Variants in NRAP observed in about 807,000 individuals in gnomAD.
NRAP encodes the protein nebulin-related-anchoring protein.
Under a neutral mutation model 225.9 loss-of-function variants are expected in NRAP, and 189 were observed. The observed-to-expected ratio is 0.84, with a 90% confidence interval of 0.74 to 0.94. NRAP has a LOEUF of 0.94. NRAP is among the 40% of genes least tolerant of loss of function. The probability of loss-of-function intolerance (pLI) is 0.00; values close to 1 mark genes in which losing one functional copy is unlikely to be tolerated. For missense variants in NRAP, 2,176 were observed against 2,168.7 expected (o/e 1.00, Z -0.07); for synonymous variants, 769 against 790.7 (o/e 0.97, Z 0.46).
chr10:113,618,720 C>T (rs1010565055), intron 25 of NRAP, among the ~76,000 whole-genome samples: 5 of 152,218 alleles, frequency 3.3e-5, no homozygotes, highest in East Asian at 1.9e-4. Flanking sequence ...CTGAGGAGGG[C>T]GAATCACCTG....
chr10:113,663,816 C>G lies in NRAP; in HGVS notation c.67G>C (p.Asp23His). 1 of 1,612,130 alleles carries G rather than the reference C, an allele frequency of 6.2e-7. No homozygotes were observed. Among genetic ancestry groups the G allele is most frequent in the Non-Finnish European group, 8.5e-7 (1 of 1,178,236 alleles). Residue 23 changes from aspartate (D) to histidine (H), a missense_variant, in exon 1 of 42, where the codon GAT becomes CAT. By Grantham distance (81) the Asp-to-His change is moderately conservative. Transcript: ENST00000359988. ...VYPAEKISCIDQIWHKACFHC... is the reference protein window; with the variant it reads ...VYPAEKISCIHQIWHKACFHC... ...GCCAAGAAATGTCTACTGACCTGAT[C>G]TATACAGCTGATCTTCTCGGCAGGA... is the stretch of plus-strand genomic sequence containing the variant.
At chr10:113,596,998 T>C (rs1261794264) in intron 37 of NRAP, 88 bp downstream of exon 37, 1 of 844,948 alleles carries the variant, frequency 1.2e-6, no homozygotes, top group Non-Finnish European at 2.0e-6. Context: ...TGCACCCCCA[T>C]CTGTCCAGAG....
chr10:113,630,031 C>T lies in NRAP; in HGVS notation c.1843-246G>A, dbSNP rs540478369. Among the ~76,000 whole-genome samples the T allele has an allele frequency of 2.4e-4, 36 of 152,210 alleles. No individual in the cohort carries two copies. The South Asian group carries it at 3.7e-3, about 16-fold the overall frequency. The stretch of plus-strand genomic sequence containing the variant: ...CTTGCCAATGCTAAACCTTTTCACC[C>T]GGCTGCTCCAGGAGAAAACTCTATT... On this transcript the variant is annotated intron_variant, in intron 18 of 41. Transcript: ENST00000359988.
chr10:113,637,498 A>G (rs1350653476), intron 14 of NRAP, among the ~76,000 whole-genome samples: 1 of 152,264 alleles, frequency 6.6e-6, no homozygotes, highest in Non-Finnish European at 1.5e-5. Flanking sequence ...CAGAGTTAGC[A>G]TTGTTTAGAC....
intron 25 of NRAP, among the ~76,000 whole-genome samples, chr10:113,619,213 T>C (rs779596424): frequency 2.0e-5 from 3 of 152,134 alleles, no homozygotes; most frequent in Non-Finnish European, 4.4e-5. Flanking sequence ...ACGAAGGAAA[T>C]CACCCTGAAG....
In NRAP at chr10:113,650,141, C is replaced by T. The variant is rs1193186935; in HGVS notation, c.784G>A (p.Val262Met). The change falls in exon 9 of 42, where the codon GTG becomes ATG. Residue 262 changes from valine to methionine, a missense_variant and splice_region_variant. Transcript: ENST00000359988. ...TTTTGATATTGTTGATGGTACCTCA[C>T]CTGTTTTAAGGCAAAGGACAAACTC... ...AKRANELASDVRYHQQYQKEM... is the reference protein window; with the variant it reads ...AKRANELASDMRYHQQYQKEM... 1.2e-6 allele frequency: 2 copies of T among 1,600,546 alleles called. No individual in the cohort carries two copies. Among genetic ancestry groups the T allele is most frequent in the Non-Finnish European group, 1.7e-6 (2 of 1,168,288 alleles).
chr10:113,651,390 C>G (rs1256808467), intron 7 of NRAP, among the ~76,000 whole-genome samples: 1 of 152,062 alleles, frequency 6.6e-6, no homozygotes, highest in South Asian at 2.1e-4. Flanking sequence ...AGGTTTGTTA[C>G]GTAGGTAAAT....
chr10:113,662,759 G>A lies in NRAP; in HGVS notation c.175C>T (p.Pro59Ser). Reference protein sequence around the residue: ...QKKPYCHAHNPKNNTFTSVYH... With the variant: ...QKKPYCHAHNSKNNTFTSVYH... The stretch of plus-strand genomic sequence containing the variant: ...ACACTGGTGAAAGTGTTGTTCTTAG[G>A]GTTATGGCTACAACAAATAGGTATA... The change falls in exon 3 of 42, where the codon CCT (proline) becomes TCT (serine). Residue 59 changes from proline (P) to serine (S), a missense_variant. By Grantham distance (74) the Pro-to-Ser change is moderately conservative. Coordinates refer to ENST00000359988, the MANE Select transcript of NRAP (RefSeq NM_198060.4). The A allele has an allele frequency of 6.4e-7, 1 of 1,569,694 alleles. No individual in the cohort carries two copies. The highest frequency in any genetic ancestry group is 8.8e-7 in the Non-Finnish European group (1 of 1,141,900).
At chr10:113,623,749 G>T (rs552402025) in intron 22 of NRAP, 113 bp from the exon 23 acceptor site, 4 of 687,740 alleles carry the variant, frequency 5.8e-6, no homozygotes, top group Non-Finnish European at 5.1e-6. Flanking sequence ...TGATTATTAC[G>T]TCCTTCTCTG....
rs908719001 is a variant in NRAP, at chr10:113,595,550, A to G, written c.4536+73T>C. 3.9e-5 allele frequency: 38 copies of G among 962,152 alleles called. No homozygotes were observed. In the South Asian group the frequency reaches 5.1e-4, roughly 13 times the overall value. 59.6% of individuals were successfully genotyped at this position (962,152 alleles called of 1,614,324 possible). On this transcript the variant is annotated intron_variant, in intron 38 of 41. Coordinates refer to ENST00000359988, the MANE Select transcript of NRAP (RefSeq NM_198060.4). ...TTCCTAGAACTTTTTTTTTTAAAAA[A>G]ACGAAATCCACATTGGGCACAGATC...
chr10:113,633,495 T>C (rs1446149784), intron 15 of NRAP, among the ~76,000 whole-genome samples: 3 of 152,180 alleles, frequency 2.0e-5, no homozygotes, highest in Non-Finnish European at 4.4e-5. Flanking sequence ...TTTGCTGCAG[T>C]GCTGAATATC....
chr10:113,642,964 G>A lies in NRAP; in HGVS notation c.1185C>T (p.Asn395=), dbSNP rs773972447. ...TGGTAAATTTTGAGATCTTGCTCAC[G>A]TTCCTGAATTGAGGTGTTTCACAGT... ...INYCETPQFR[N]VSKISKFTSD... is the part of the protein sequence containing the mutation. Residue 395 remains asparagine (N), a synonymous_variant, in exon 12 of 42, where the codon AAC becomes AAT. Coordinates refer to ENST00000359988, the MANE Select transcript of NRAP (RefSeq NM_198060.4). 2.5e-6 allele frequency: 4 copies of A among 1,604,616 alleles called. No homozygotes were observed. The highest frequency in any genetic ancestry group is 2.7e-5 in the African/African-American group (2 of 74,726).
intron 14 of NRAP, among the ~76,000 whole-genome samples, chr10:113,639,866 A>C (rs1180667812): frequency 6.6e-6 from 1 of 152,212 alleles, no homozygotes; most frequent in East Asian, 1.9e-4. Context: ...AACTCTTAAC[A>C]TACTACATAA....
intron 13 of NRAP, among the ~76,000 whole-genome samples, chr10:113,640,858 G>T (rs1156375833): frequency 6.6e-6 from 1 of 152,142 alleles, no homozygotes; most frequent in Non-Finnish European, 1.5e-5. Context: ...GATTAATAGA[G>T]TATATGCTAC....
intron 26 of NRAP, 43 bp from the exon 27 acceptor site, chr10:113,615,859 C>T (rs1216346258): frequency 3.7e-6 from 4 of 1,068,806 alleles, no homozygotes; most frequent in Non-Finnish European, 5.8e-6. Context: ...AGACCCCATT[C>T]CATGCAGCCA....
At chr10:113,625,018 C>T in intron 21 of NRAP, 88 bp from the exon 22 acceptor site, 4 of 781,584 alleles carry the variant, frequency 5.1e-6, no homozygotes, top group Non-Finnish European at 4.5e-6. Flanking sequence ...GTCTGGTTGG[C>T]ACTTCTCTGA....
At position 113,663,296 on chromosome 10, in the gene NRAP, C is replaced by T. The variant is rs537251164; in HGVS notation, c.167+56G>A. 1.7e-5 allele frequency: 18 copies of T among 1,055,344 alleles called. No individual in the cohort carries two copies. In the African/African-American group the frequency reaches 1.7e-4, roughly 10 times the overall value. The allele number at this position is 1,055,344 out of a possible 1,614,324, so 65.4% of individuals were successfully genotyped here. On this transcript the variant is annotated intron_variant, in intron 2 of 41. Transcript: ENST00000359988. ...TATGATTTGAACGTTTAGTTGGCTC[C>T]TTGTTGAAAAACAAATAAAACTCAA...
intron 3 of NRAP, among the ~76,000 whole-genome samples, chr10:113,659,269 T>C (rs1394389230): frequency 6.6e-6 from 1 of 152,154 alleles, no homozygotes; most frequent in Non-Finnish European, 1.5e-5. Flanking sequence ...GGCTCGGGCA[T>C]AGCAAGATGT....
chr10:113,607,037 T>C (rs1847012829), intron 32 of NRAP, among the ~76,000 whole-genome samples: 1 of 152,014 alleles, frequency 6.6e-6, no homozygotes, highest in African/African-American at 2.4e-5. Flanking sequence ...ACCCCATCTC[T>C]ACTAAAATAC....
Sources: gnomAD v4.1 joint callset for allele counts (sites outside exome capture counted in the v4.1 genomes callset) on GRCh38, gnomAD v4.1.1 for gene constraint, MANE v1.5 for transcripts, NCBI Gene and HGNC (gene_info 2026-07-23, HGNC 2026-07-21) for gene names.